VWF: variants seen among roughly 807,000 people sequenced by gnomAD.
The protein encoded by VWF is Factor VIII related antigen.
A neutral mutation model predicts 308.6 loss-of-function variants in VWF; 176 were observed. That is an observed-to-expected ratio of 0.57 (90% CI 0.50 to 0.65). The LOEUF (loss-of-function observed/expected upper bound fraction) is 0.65, where lower values mean the gene tolerates loss of function less well. VWF is among the 30% of genes least tolerant of loss of function. VWF has a pLI of 0.00. For missense variants in VWF, 3,146 were observed against 3,648.2 expected, an observed-to-expected ratio of 0.86 and a Z score of 3.55; for synonymous variants, 1,385 against 1,443.4, an observed-to-expected ratio of 0.96 and a Z score of 0.92.
chr12:6,042,274 C>T (rs1944404318), intron 18 of VWF, among the ~76,000 whole-genome samples: 2 of 152,106 alleles, frequency 1.3e-5, no homozygotes, highest in Admixed American at 1.3e-4. Context: ...AATGCAGAAT[C>T]CGTGACCCCT....
chr12:6,089,192 A>C (rs1945005392), intron 6 of VWF, among the ~76,000 whole-genome samples: 1 of 152,238 alleles, frequency 6.6e-6, no homozygotes. Flanking sequence ...TGAACAATTC[A>C]AAAGGCCATA....
At chr12:6,056,488 C>A (rs183113556) in intron 15 of VWF, among the ~76,000 whole-genome samples, 1 of 152,172 alleles carries the variant, frequency 6.6e-6, no homozygotes, top group African/African-American at 2.4e-5. Context: ...TTAAGGGAGG[C>A]GGAGACCCAG....
intron 33 of VWF, 127 bp downstream of exon 33, chr12:6,011,960 G>A (rs148695066): frequency 1.8e-5 from 24 of 1,363,720 alleles, no homozygotes; most frequent in African/African-American, 4.4e-5. Context: ...AGATGGACCC[G>A]CAAAAACAAG....
intron 43 of VWF, among the ~76,000 whole-genome samples, chr12:5,972,062 C>T (rs1943483728): frequency 6.6e-6 from 1 of 152,126 alleles, no homozygotes; most frequent in Non-Finnish European, 1.5e-5. Context: ...CCTCACTGAC[C>T]GGGAGGCACA....
intron 13 of VWF, among the ~76,000 whole-genome samples, chr12:6,061,145 G>A (rs982766425): frequency 9.2e-5 from 14 of 152,192 alleles, no homozygotes; most frequent in African/African-American, 3.4e-4. Context: ...AGGTTGTGGT[G>A]AGCCAAGATC....
intron 6 of VWF, among the ~76,000 whole-genome samples, chr12:6,083,552 G>A (rs1203743354): frequency 2.0e-5 from 3 of 152,288 alleles, no homozygotes; most frequent in East Asian, 1.9e-4. Flanking sequence ...GCAAGAGAGC[G>A]AGACTCCGTC....
intron 39 of VWF, 32 bp downstream of exon 39, chr12:5,985,531 C>T (rs1194940100): frequency 6.2e-7 from 1 of 1,609,068 alleles, no homozygotes; most frequent in Middle Eastern, 1.7e-4. Context: ...CTTGTTCCTC[C>T]ATGAAGGCAC....
chr12:6,085,727 C>T (rs1395949818), intron 6 of VWF, among the ~76,000 whole-genome samples: 2 of 12,750 alleles, frequency 1.6e-4, no homozygotes, highest in African/African-American at 3.4e-4. Flanking sequence ...GGAGGGGGGG[C>T]GCGGGGGGCG....
intron 47 of VWF, among the ~76,000 whole-genome samples, chr12:5,957,509 T>C (rs1161788980): frequency 6.6e-6 from 1 of 151,988 alleles, no homozygotes; most frequent in Admixed American, 6.6e-5. Flanking sequence ...GAAAAACTGT[T>C]AAAGCATCCA....
chr12:6,057,986 T>A lies in VWF; in HGVS notation c.1592A>T (p.Gln531Leu). 1 of 1,613,596 alleles carries A rather than the reference T, an allele frequency of 6.2e-7. No individual in the cohort carries two copies. The highest frequency in any genetic ancestry group is 1.1e-5 in the South Asian group (1 of 91,092). The change falls in exon 14 of 52, where the codon CAG (glutamine) becomes CTG (leucine). Residue 531 changes from glutamine (Q) to leucine (L), a missense_variant. Physicochemically the swap from Gln to Leu is moderately radical, Grantham distance 113. Transcript: ENST00000261405. The part of the protein sequence containing the change: ...CGLCGNYNGN[Q>L]GDDFLTPSGL... ...AGAGGGGGTAAGGAAGTCGTCGCCCTGGTTGCCATTGTAATTCCCACACAG... is the reference window on the plus strand; with the variant it reads ...AGAGGGGGTAAGGAAGTCGTCGCCCAGGTTGCCATTGTAATTCCCACACAG...
intron 34 of VWF, among the ~76,000 whole-genome samples, chr12:6,004,532 G>T (rs1309050100): frequency 6.6e-6 from 1 of 151,694 alleles, no homozygotes; most frequent in Non-Finnish European, 1.5e-5. Flanking sequence ...TTTATTAATG[G>T]AATTATACAA....
intron 22 of VWF, 100 bp from the exon 23 acceptor site, chr12:6,026,146 G>C (rs942701342): frequency 1.8e-5 from 28 of 1,553,600 alleles, no homozygotes; most frequent in Non-Finnish European, 2.5e-5. Context: ...GAGGCAGAGG[G>C]CATTCGAGGA....
In VWF at chr12:6,046,928, A is replaced by G. The variant is rs977336180; in HGVS notation, c.2187-111T>C. ...CCCCTTCCAACCAGGTCCCAGTCCC[A>G]TAACCCCTCCTGAAGCACAGCTTGC... On this transcript the variant is annotated intron_variant, in intron 16 of 51. Coordinates refer to ENST00000261405, the MANE Select transcript of VWF (RefSeq NM_000552.5). The surrounding 1 kb of genome is among the most constrained non-coding windows in gnomAD (Gnocchi z 5.0). 13 of 914,354 alleles carry G rather than the reference A, an allele frequency of 1.4e-5. No homozygotes were observed. The South Asian group carries it at 1.5e-4, about 11-fold the overall frequency. 56.6% of individuals were successfully genotyped at this position (914,354 alleles called of 1,614,324 possible). A position where few individuals can be genotyped will look rare whatever the true frequency, so the allele number is the denominator to read the frequency against.
chr12:6,007,878 C>T (rs1016565013), intron 34 of VWF, among the ~76,000 whole-genome samples: 4 of 151,856 alleles, frequency 2.6e-5, no homozygotes, highest in African/African-American at 4.8e-5. Flanking sequence ...CAATTGATAG[C>T]GCAGAAATAA....
At chr12:6,097,261 C>T (rs992860393) in intron 5 of VWF, among the ~76,000 whole-genome samples, 2 of 151,962 alleles carry the variant, frequency 1.3e-5, no homozygotes, top group African/African-American at 4.8e-5. Flanking sequence ...ATGGTGAAAC[C>T]CCGTCTCTAC....
intron 10 of VWF, 43 bp downstream of exon 10, chr12:6,071,254 C>G (rs372381104): frequency 6.2e-7 from 1 of 1,611,582 alleles, no homozygotes; most frequent in South Asian, 1.1e-5. Flanking sequence ...GACGCCTCCC[C>G]GATTCAGGGA....
rs542914292 is a variant in VWF, at chr12:6,001,421, G to C, written c.5843-5199C>G. 3.3e-5 allele frequency among the ~76,000 whole-genome samples: 5 copies of C among 152,200 alleles called. No individual in the cohort carries two copies. The East Asian group carries it at 9.6e-4, about 29-fold the overall frequency. Reference sequence around the variant, plus strand: ...TCAGAAAGGCTAAAGTAAAGGGACAGACAAAGGATATCAAACAATAAGAAA... The same window carrying C: ...TCAGAAAGGCTAAAGTAAAGGGACACACAAAGGATATCAAACAATAAGAAA... On this transcript the variant is annotated intron_variant, in intron 34 of 51. Coordinates refer to ENST00000261405, the MANE Select transcript of VWF (RefSeq NM_000552.5).
intron 42 of VWF, among the ~76,000 whole-genome samples, chr12:5,977,530 T>A (rs183098417): frequency 6.6e-6 from 1 of 152,186 alleles, no homozygotes; most frequent in African/African-American, 2.4e-5. Context: ...GGAAGAAATA[T>A]ACATGTATAA....
chr12:6,087,654 G>C (rs565737968), intron 6 of VWF, among the ~76,000 whole-genome samples: 1 of 151,692 alleles, frequency 6.6e-6, no homozygotes, highest in Non-Finnish European at 1.5e-5. Context: ...CTGAGCCCCC[G>C]CGCCTGGCCA....
Sources: gnomAD v4.1 joint callset for allele counts (sites outside exome capture counted in the v4.1 genomes callset) on GRCh38, gnomAD v4.1.1 for gene constraint, Gnocchi (gnomAD v3.1) non-coding constraint, MANE v1.5 for transcripts, NCBI Gene and HGNC (gene_info 2026-07-23, HGNC 2026-07-21) for gene names.